The following ZNF521 variants were observed in gnomAD, a reference collection of about 807,000 sequenced individuals.
ZNF521 encodes the protein LYST-interacting protein 3.
Under a neutral mutation model 105.5 loss-of-function variants are expected in ZNF521, and 14 were observed. The ratio of observed to expected loss-of-function variants is 0.13; its 90% confidence interval spans 0.09 to 0.21. The LOEUF (loss-of-function observed/expected upper bound fraction) is 0.21. ZNF521 is among the 10% of genes least tolerant of loss of function. The pLI is 1.00. For synonymous variants in ZNF521, 635 were observed against 606.0 expected (o/e 1.05, Z -0.70); for missense variants, 1,233 against 1,629.7 (o/e 0.76, Z 4.19).
chr18:25,212,101 A>G (rs1167673973), intron 4 of ZNF521, among the ~76,000 whole-genome samples: 1 of 152,196 alleles, frequency 6.6e-6, no homozygotes, highest in Non-Finnish European at 1.5e-5. Flanking sequence ...AAAATGGGAC[A>G]AATATTTTCT....
At chr18:25,228,799 G>A (rs1427505023) in intron 3 of ZNF521, among the ~76,000 whole-genome samples, 1 of 152,188 alleles carries the variant, frequency 6.6e-6, no homozygotes, top group African/African-American at 2.4e-5. Flanking sequence ...AACGTGCACT[G>A]TTATTTCTGT....
At chr18:25,074,091 C>T (rs1011354638) in intron 7 of ZNF521, among the ~76,000 whole-genome samples, 16 of 152,196 alleles carry the variant, frequency 1.1e-4, no homozygotes, top group South Asian at 2.1e-4. Context: ...TGTGTGCACG[C>T]GCACGGGAAT....
At chr18:25,246,375 C>G (rs866362821) in intron 3 of ZNF521, among the ~76,000 whole-genome samples, 1 of 152,076 alleles carries the variant, frequency 6.6e-6, no homozygotes, top group South Asian at 2.1e-4. Flanking sequence ...TGTTTCAGTG[C>G]GTATAACACC....
intron 5 of ZNF521, among the ~76,000 whole-genome samples, chr18:25,146,093 T>G (rs2034937959): frequency 6.6e-6 from 1 of 152,196 alleles, no homozygotes; most frequent in South Asian, 2.1e-4. Context: ...ATTCCTATTT[T>G]ATGGATTAGG....
chr18:25,073,430 C>G (rs2033274166), intron 7 of ZNF521, among the ~76,000 whole-genome samples: 2 of 152,288 alleles, frequency 1.3e-5, no homozygotes, highest in South Asian at 2.1e-4. Context: ...CTGCAAGATT[C>G]CACTGGCATC....
chr18:25,162,174 A>T (rs1567988706), intron 5 of ZNF521, among the ~76,000 whole-genome samples: 1 of 152,182 alleles, frequency 6.6e-6, no homozygotes, highest in African/African-American at 2.4e-5. Flanking sequence ...CCTGAAATCA[A>T]ATGTTCAATG....
At chr18:25,183,722 A>C (rs1392721833) in intron 5 of ZNF521, among the ~76,000 whole-genome samples, 5 of 152,208 alleles carry the variant, frequency 3.3e-5, no homozygotes, top group African/African-American at 1.2e-4. Flanking sequence ...TCTTCAACTT[A>C]ATGCTGGTGC....
intron 5 of ZNF521, among the ~76,000 whole-genome samples, chr18:25,132,556 GCTGGCTGTGCTTTA>G (rs1275792383): frequency 2.6e-5 from 4 of 152,156 alleles, no homozygotes; most frequent in African/African-American, 9.7e-5. Context: ...CTCTGGCACT[GCTGGCTGTGCTTTA>G]CATTCTTCTG....
At chr18:25,343,194 G>C (rs1434197985) in intron 2 of ZNF521, among the ~76,000 whole-genome samples, 1 of 151,984 alleles carries the variant, frequency 6.6e-6, no homozygotes, top group Non-Finnish European at 1.5e-5. Flanking sequence ...TATACTGATG[G>C]GATAATAAAT....
intron 5 of ZNF521, among the ~76,000 whole-genome samples, chr18:25,101,810 A>T (rs891374331): frequency 3.9e-5 from 6 of 152,172 alleles, no homozygotes; most frequent in Non-Finnish European, 8.8e-5. Context: ...AACAACATTC[A>T]TCTCTGGATA....
chr18:25,311,920 T>C (rs1472525505), intron 3 of ZNF521, among the ~76,000 whole-genome samples: 1 of 152,226 alleles, frequency 6.6e-6, no homozygotes, highest in African/African-American at 2.4e-5. Context: ...AAGAAACAGG[T>C]GATTTATGAA....
intron 4 of ZNF521, 111 bp downstream of exon 4, chr18:25,224,234 C>T (rs998634342): frequency 9.8e-7 from 1 of 1,023,970 alleles, no homozygotes; most frequent in Non-Finnish European, 1.4e-6. Context: ...GCATTTCAAT[C>T]TAAGCATCTT....
chr18:25,233,928 T>C (rs1906705718), intron 3 of ZNF521, among the ~76,000 whole-genome samples: 1 of 152,200 alleles, frequency 6.6e-6, no homozygotes, highest in Non-Finnish European at 1.5e-5. Flanking sequence ...GAATTCCATC[T>C]TCCGCAGCCA....
At chr18:25,350,771 A>C in intron 2 of ZNF521, 136 bp downstream of exon 2, 1 of 805,430 alleles carries the variant, frequency 1.2e-6, no homozygotes, top group Non-Finnish European at 1.9e-6. Flanking sequence ...CTCAGCGGGG[A>C]GGGGAGCGCG....
chr18:25,221,099 T>C (rs1259762323), intron 4 of ZNF521, among the ~76,000 whole-genome samples: 1 of 152,206 alleles, frequency 6.6e-6, no homozygotes, highest in Non-Finnish European at 1.5e-5. Flanking sequence ...AAATATTTTA[T>C]TCAAAACAAA....
chr18:25,119,157 T>A (rs2034386066), intron 5 of ZNF521, among the ~76,000 whole-genome samples: 1 of 152,130 alleles, frequency 6.6e-6, no homozygotes, highest in Admixed American at 6.5e-5. Flanking sequence ...TCTTAACAAT[T>A]ATGGATATTT....
chr18:25,214,167 G>A (rs1600163417), intron 4 of ZNF521, among the ~76,000 whole-genome samples: 1 of 152,052 alleles, frequency 6.6e-6, no homozygotes, highest in East Asian at 1.9e-4. Flanking sequence ...GATCATCACA[G>A]ATTAGTTTTG....
chr18:25,111,215 A>T (rs1394727099), intron 5 of ZNF521, among the ~76,000 whole-genome samples: 1 of 152,118 alleles, frequency 6.6e-6, no homozygotes, highest in African/African-American at 2.4e-5. Context: ...CCTTCCCTGC[A>T]AAGTTTTCTT....
chr18:25,165,954 C>T (rs2035332922), intron 5 of ZNF521, among the ~76,000 whole-genome samples: 1 of 152,198 alleles, frequency 6.6e-6, no homozygotes, highest in Admixed American at 6.6e-5. Context: ...AAAAGAACCA[C>T]TCTGTGTGTT....
Sources: gnomAD v4.1 joint callset for allele counts (sites outside exome capture counted in the v4.1 genomes callset) on GRCh38, gnomAD v4.1.1 for gene constraint, MANE v1.5 for transcripts, NCBI Gene and HGNC (gene_info 2026-07-23, HGNC 2026-07-21) for gene names.